PRELID2: variants seen among roughly 807,000 people sequenced by gnomAD.
PRELID2 encodes the protein PRELI domain-containing protein 2.
In PRELID2, 25 loss-of-function variants were observed where a neutral mutation model predicts 28.4. The ratio of observed to expected loss-of-function variants is 0.88; its 90% CI spans 0.64 to 1.23. The LOEUF (loss-of-function observed/expected upper bound fraction) is 1.23. PRELID2 is among the 50% of genes most tolerant of loss of function. The pLI is 0.00. For synonymous variants in PRELID2, 76 were observed against 71.6 expected, an observed-to-expected ratio of 1.06 and a Z score of -0.31; for missense variants, 201 against 214.4, an observed-to-expected ratio of 0.94 and a Z score of 0.39.
chr5:145,394,567 A>G, the PRELID2 span, among the ~76,000 whole-genome samples: 1 of 152,146 alleles, frequency 6.6e-6, no homozygotes, highest in Non-Finnish European at 1.5e-5. Context: ...ATGTACCCTA[A>G]AACTTAAAGT....
chr5:145,722,956 C>G (rs2436343), intron 1 of PRELID2, among the ~76,000 whole-genome samples: 16,817 of 151,984 alleles, frequency 0.11, 977 homozygotes, highest in South Asian at 0.13. Flanking sequence ...GAAATTTGAC[C>G]AAACTATCAA....
At chr5:145,428,045 G>A in the PRELID2 span, among the ~76,000 whole-genome samples, 2 of 152,094 alleles carry the variant, frequency 1.3e-5, no homozygotes, top group Non-Finnish European at 2.9e-5. Flanking sequence ...TGCAATCTCT[G>A]CCTCCTGGGT....
chr5:145,624,684 A>G (rs913675481), intron 1 of PRELID2, among the ~76,000 whole-genome samples: 6 of 152,190 alleles, frequency 3.9e-5, no homozygotes, highest in African/African-American at 1.4e-4. Flanking sequence ...ACAGTAAAAA[A>G]TTATTTCAAA....
chr5:145,297,419 A>C, the PRELID2 span, among the ~76,000 whole-genome samples: 60,752 of 150,022 alleles, frequency 0.4, 13,170 homozygotes, highest in African/African-American at 0.57. Context: ...ATTCAACAAC[A>C]CTTCATGCTA....
chr5:145,421,834 A>G, the PRELID2 span, among the ~76,000 whole-genome samples: 1 of 141,488 alleles, frequency 7.1e-6, no homozygotes, highest in Non-Finnish European at 1.6e-5. Flanking sequence ...TAGGGTGTCA[A>G]TTTTGGATCT....
the PRELID2 span, among the ~76,000 whole-genome samples, chr5:145,329,263 G>A: frequency 2.3e-3 from 356 of 152,164 alleles, 8 homozygotes; most frequent in East Asian, 0.044. Context: ...GGCTATAAGC[G>A]GTCTTCTTTG....
chr5:145,319,752 G>A, the PRELID2 span, among the ~76,000 whole-genome samples: 7 of 151,762 alleles, frequency 4.6e-5, no homozygotes, highest in South Asian at 2.1e-4. Flanking sequence ...TAACTCCACC[G>A]ATGATTAAAG....
the PRELID2 span, among the ~76,000 whole-genome samples, chr5:145,315,315 G>T: frequency 6.6e-6 from 1 of 151,906 alleles, no homozygotes; most frequent in Non-Finnish European, 1.5e-5. Flanking sequence ...TGATCTGCCC[G>T]CCTCGGCCTC....
chr5:145,371,886 T>TA, the PRELID2 span, among the ~76,000 whole-genome samples: 5,691 of 141,806 alleles, frequency 0.04, 208 homozygotes, highest in African/African-American at 0.093. Flanking sequence ...TTTGTTAATT[T>TA]AAAAAAAAAA....
At chr5:145,556,384 T>C (rs946008595) in intron 1 of PRELID2, among the ~76,000 whole-genome samples, 2 of 152,066 alleles carry the variant, frequency 1.3e-5, no homozygotes, top group Non-Finnish European at 2.9e-5. Flanking sequence ...GAAATCTTGA[T>C]ATCATTTCAC....
intron 1 of PRELID2, among the ~76,000 whole-genome samples, chr5:145,487,337 A>C (rs890849181): frequency 2.6e-5 from 4 of 151,958 alleles, no homozygotes; most frequent in African/African-American, 9.7e-5. Context: ...TATTCGGGAG[A>C]GTTATGAAGT....
At chr5:145,719,331 A>G (rs1307887974) in intron 1 of PRELID2, among the ~76,000 whole-genome samples, 3 of 147,782 alleles carry the variant, frequency 2.0e-5, no homozygotes, top group African/African-American at 7.5e-5. Context: ...GATGTGTAGG[A>G]CTCAAGGTGG....
the PRELID2 span, among the ~76,000 whole-genome samples, chr5:145,415,206 G>A: frequency 3.1e-4 from 47 of 152,138 alleles, no homozygotes; most frequent in Non-Finnish European, 5.3e-4. Context: ...AATGGAAATC[G>A]AACAACGTGT....
At chr5:145,454,760 G>T in the PRELID2 span, among the ~76,000 whole-genome samples, 1 of 151,986 alleles carries the variant, frequency 6.6e-6, no homozygotes, top group Non-Finnish European at 1.5e-5. Context: ...CATGTTTGTT[G>T]GTCACATAAA....
At chr5:145,259,146 A>T in the PRELID2 span, among the ~76,000 whole-genome samples, 9 of 152,220 alleles carry the variant, frequency 5.9e-5, no homozygotes, top group Non-Finnish European at 1.3e-4. Flanking sequence ...ATTTTAGAGG[A>T]TGTATGAAAA....
At chr5:145,592,909 A>G (rs1561513306) in intron 1 of PRELID2, among the ~76,000 whole-genome samples, 1 of 152,204 alleles carries the variant, frequency 6.6e-6, no homozygotes, top group Non-Finnish European at 1.5e-5. Flanking sequence ...TTCCTATTGG[A>G]ATATATACCT....
intron 5 of PRELID2, among the ~76,000 whole-genome samples, chr5:145,777,701 G>A (rs1456257192): frequency 6.6e-6 from 1 of 152,188 alleles, no homozygotes; most frequent in Non-Finnish European, 1.5e-5. Context: ...CACCCAAACT[G>A]CAGCTGCAGA....
intron 1 of PRELID2, among the ~76,000 whole-genome samples, chr5:145,557,254 C>T (rs139624129): frequency 1.7e-3 from 263 of 152,188 alleles, no homozygotes; most frequent in African/African-American, 6.0e-3. Context: ...CCCAAGCTGG[C>T]GACCAGATGA....
chr5:145,586,296 C>G (rs1753154403), intron 1 of PRELID2, among the ~76,000 whole-genome samples: 1 of 151,980 alleles, frequency 6.6e-6, no homozygotes, highest in South Asian at 2.1e-4. Context: ...TAAAACTTCT[C>G]CCATCAGTGC....
Sources: gnomAD v4.1 joint callset for allele counts (sites outside exome capture counted in the v4.1 genomes callset) on GRCh38, gnomAD v4.1.1 for gene constraint, MANE v1.5 for transcripts, NCBI Gene and HGNC (gene_info 2026-07-23, HGNC 2026-07-21) for gene names.